Variants in QRICH1 observed in about 807,000 individuals in gnomAD.
QRICH1 encodes transcriptional regulator QRICH1.
Under a neutral mutation model 87.1 loss-of-function variants are expected in QRICH1, and 16 were observed. The observed-to-expected ratio is 0.18, with a 90% CI of 0.12 to 0.28. The LOEUF (loss-of-function observed/expected upper bound fraction) is 0.28. Ranked by LOEUF, QRICH1 falls within the 10% of genes least tolerant of loss-of-function variation. The pLI is 1.00. For synonymous variants in QRICH1, 367 were observed against 368.4 expected, an observed-to-expected ratio of 1.00 and a Z score of 0.05; for missense variants, 647 against 951.7, an observed-to-expected ratio of 0.68 and a Z score of 4.21.
chr3:49,088,663 C>T (rs1465169829), intron 1 of QRICH1, among the ~76,000 whole-genome samples: 6 of 144,838 alleles, frequency 4.1e-5, no homozygotes, highest in Admixed American at 2.8e-4. Context: ...TCTTGCTCCA[C>T]TACCCAGGAT....
intron 3 of QRICH1, among the ~76,000 whole-genome samples, chr3:49,056,216 C>T (rs987487710): frequency 1.8e-4 from 27 of 152,224 alleles, no homozygotes; most frequent in Middle Eastern, 3.4e-3. Flanking sequence ...CCTTGTGATC[C>T]GCCTGCCTCG....
chr3:49,055,840 G>A (rs536587450), intron 3 of QRICH1, among the ~76,000 whole-genome samples: 4 of 151,800 alleles, frequency 2.6e-5, no homozygotes, highest in Non-Finnish European at 5.9e-5. Flanking sequence ...CACCACACCC[G>A]GCTAATTTTT....
chr3:49,087,703 A>T (rs2042192124), intron 1 of QRICH1, among the ~76,000 whole-genome samples: 2 of 149,808 alleles, frequency 1.3e-5, no homozygotes, highest in Non-Finnish European at 3.0e-5. Flanking sequence ...GTGAAACCCC[A>T]TCTCTACTAA....
At chr3:49,040,334 G>A (rs185060209) in intron 6 of QRICH1, among the ~76,000 whole-genome samples, 10 of 152,174 alleles carry the variant, frequency 6.6e-5, no homozygotes, top group East Asian at 3.9e-4. Flanking sequence ...ATTGCTAGGC[G>A]CAGCAGCTCA....
At chr3:49,067,963 AT>A (rs1044679621) in intron 2 of QRICH1, among the ~76,000 whole-genome samples, 1 of 152,014 alleles carries the variant, frequency 6.6e-6, no homozygotes, top group African/African-American at 2.4e-5. Flanking sequence ...AAAAAAAAAA[AT>A]TTGGAAACAA....
intron 3 of QRICH1, among the ~76,000 whole-genome samples, chr3:49,050,374 G>A (rs1333275759): frequency 7.7e-6 from 1 of 130,178 alleles, no homozygotes; most frequent in African/African-American, 2.9e-5. Flanking sequence ...AGTGAGCCAA[G>A]ATGGTGCCAC....
intron 3 of QRICH1, among the ~76,000 whole-genome samples, chr3:49,050,755 A>G (rs910502532): frequency 1.3e-5 from 2 of 152,158 alleles, no homozygotes; most frequent in African/African-American, 4.8e-5. Flanking sequence ...TCTTTGAAAC[A>G]GTTCCATGAA....
At chr3:49,039,687 G>A (rs962256628) in intron 6 of QRICH1, among the ~76,000 whole-genome samples, 3 of 151,106 alleles carry the variant, frequency 2.0e-5, no homozygotes, top group Non-Finnish European at 2.9e-5. Context: ...ACAGGAGAGG[G>A]GAAACAGGTG....
chr3:49,040,516 C>G (rs895026483), intron 6 of QRICH1, among the ~76,000 whole-genome samples: 2 of 152,232 alleles, frequency 1.3e-5, no homozygotes, highest in African/African-American at 2.4e-5. Context: ...TCTTGCCTTA[C>G]TATAGTGCAA....
intron 6 of QRICH1, among the ~76,000 whole-genome samples, chr3:49,035,154 C>A (rs181551807): frequency 1.3e-5 from 2 of 152,160 alleles, no homozygotes; most frequent in Non-Finnish European, 2.9e-5. Context: ...CAGCCCTTCT[C>A]AGCAAAGAAG....
intron 9 of QRICH1, 101 bp from the exon 10 acceptor site, chr3:49,030,745 A>C (rs1050856848): frequency 9.5e-7 from 1 of 1,054,290 alleles, no homozygotes; most frequent in Non-Finnish European, 1.3e-6. Context: ...GTAAGGCCCC[A>C]AGTTATTGTG....
chr3:49,051,423 G>C (rs1382892921), intron 3 of QRICH1, among the ~76,000 whole-genome samples: 2 of 151,868 alleles, frequency 1.3e-5, no homozygotes, highest in African/African-American at 4.8e-5. Context: ...GTTTTTCTCT[G>C]CCAGGCCCTT....
intron 6 of QRICH1, among the ~76,000 whole-genome samples, chr3:49,038,495 C>A (rs1212332068): frequency 6.6e-6 from 1 of 150,942 alleles, no homozygotes; most frequent in Non-Finnish European, 1.5e-5. Context: ...TCACTGCAAA[C>A]CCCGCCTCTC....
At chr3:49,034,089 T>TTAC (rs2093259882) in intron 6 of QRICH1, among the ~76,000 whole-genome samples, 3 of 150,060 alleles carry the variant, frequency 2.0e-5, no homozygotes, top group Non-Finnish European at 4.4e-5. Flanking sequence ...TTTATTATTA[T>TTAC]TATTATTATT....
intron 1 of QRICH1, among the ~76,000 whole-genome samples, chr3:49,079,116 T>C (rs887223537): frequency 6.6e-6 from 1 of 152,072 alleles, no homozygotes; most frequent in East Asian, 1.9e-4. Flanking sequence ...GCACCTGTAG[T>C]CCCAGCTACT....
At chr3:49,066,954 C>T (rs1238037420) in intron 2 of QRICH1, among the ~76,000 whole-genome samples, 1 of 151,792 alleles carries the variant, frequency 6.6e-6, no homozygotes, top group African/African-American at 2.4e-5. Flanking sequence ...AGGACAATAG[C>T]TTGAACCTGG....
intron 2 of QRICH1, among the ~76,000 whole-genome samples, chr3:49,074,622 C>T (rs1470159376): frequency 6.6e-6 from 1 of 151,494 alleles, no homozygotes. Context: ...ATGAAGCTAT[C>T]ACACCTAAAC....
chr3:49,065,950 T>C (rs1486584646), intron 2 of QRICH1, among the ~76,000 whole-genome samples: 1 of 152,170 alleles, frequency 6.6e-6, no homozygotes, highest in Admixed American at 6.6e-5. Context: ...CCCAAAGTGC[T>C]GGGATTACAG....
At chr3:49,044,156 AACTACCCCACTAGT>A (rs2093326785) in intron 6 of QRICH1, among the ~76,000 whole-genome samples, 1 of 152,232 alleles carries the variant, frequency 6.6e-6, no homozygotes, top group Non-Finnish European at 1.5e-5. Context: ...AAAAGATAGT[AACTACCCCACTAGT>A]TCTGCTTGTT....
Sources: allele counts gnomAD v4.1 joint callset (sites outside exome capture counted in the v4.1 genomes callset), GRCh38; gene constraint gnomAD v4.1.1; transcripts MANE v1.5; gene names NCBI Gene and HGNC (gene_info 2026-07-23, HGNC 2026-07-21).